The following DNAH6 variants were observed in gnomAD, a reference collection of about 807,000 sequenced individuals.
The protein encoded by DNAH6 is dynein axonemal heavy chain 6.
DNAH6 carries 340 observed loss-of-function variants against 491.4 expected under a neutral mutation model. That is an observed-to-expected ratio of 0.69 (90% CI 0.63 to 0.76). The LOEUF (loss-of-function observed/expected upper bound fraction) is 0.76. Among genes scored for constraint, DNAH6 ranks in the 30% least tolerant of loss-of-function variants. The pLI is 0.00. For synonymous variants in DNAH6, 1,603 were observed against 1,686.1 expected, an observed-to-expected ratio of 0.95 and a Z score of 1.21; for missense variants, 4,443 against 4,972.2, an observed-to-expected ratio of 0.89 and a Z score of 3.20.
chr2:84,472,541 A>G, the DNAH6 span, among the ~76,000 whole-genome samples: 1 of 152,186 alleles, frequency 6.6e-6, no homozygotes, highest in Non-Finnish European at 1.5e-5. Context: ...CCATCTGCCG[A>G]GGGAATTTGG....
chr2:84,786,919 C>G (rs1677257067), intron 67 of DNAH6, among the ~76,000 whole-genome samples: 2 of 151,982 alleles, frequency 1.3e-5, no homozygotes, highest in African/African-American at 4.8e-5. Flanking sequence ...GTTCTTTTGA[C>G]AGGTCTTTCA....
At chr2:84,497,318 A>T in the DNAH6 span, among the ~76,000 whole-genome samples, 1 of 152,012 alleles carries the variant, frequency 6.6e-6, no homozygotes, top group Non-Finnish European at 1.5e-5. Context: ...TCGTTCAGCT[A>T]ATGTTTTTCA....
At chr2:84,596,410 G>C (rs1343492522) in intron 18 of DNAH6, among the ~76,000 whole-genome samples, 4 of 151,916 alleles carry the variant, frequency 2.6e-5, no homozygotes, top group Non-Finnish European at 5.9e-5. Flanking sequence ...TGCAACCTCG[G>C]CCTCCTGGGT....
chr2:84,578,266 GT>G (rs1682667555), intron 13 of DNAH6, among the ~76,000 whole-genome samples: 1 of 151,650 alleles, frequency 6.6e-6, no homozygotes, highest in African/African-American at 2.4e-5. Context: ...TCTTCATCTG[GT>G]AAAAAAAAGA....
intron 10 of DNAH6, among the ~76,000 whole-genome samples, chr2:84,553,438 T>G (rs1395397717): frequency 1.4e-4 from 20 of 147,572 alleles, no homozygotes; most frequent in Non-Finnish European, 2.7e-4. Context: ...TCTTTCTTTT[T>G]CTCTTTCTCT....
intron 63 of DNAH6, among the ~76,000 whole-genome samples, chr2:84,756,601 G>A (rs1038690088): frequency 4.6e-5 from 7 of 152,166 alleles, no homozygotes; most frequent in African/African-American, 1.7e-4. Flanking sequence ...TTTGTCACTA[G>A]TGAAGGATGA....
rs1243178961 is a variant in DNAH6 at position 84,548,398 on chromosome 2, T to C, written c.1297T>C (p.Tyr433His). Reference protein sequence around the residue: ...TYTEQASKRHYCMRLTCFIRL... With the variant: ...TYTEQASKRHHCMRLTCFIRL... ...TACAGAACAGGCCAGCAAAAGGCAT[T>C]ATTGCATGAGGCTGACGTGGTAAGA... Residue 433 changes from tyrosine (Y) to histidine (H), a missense_variant, in exon 8 of 77, where the codon TAT (tyrosine) becomes CAT (histidine). This residue lies in a region of DNAH6 where 2,977 missense variants were observed against 3,296.6 expected (regional missense o/e 0.90). Transcript: ENST00000389394. 6 of 1,613,996 alleles carry C rather than the reference T, an allele frequency of 3.7e-6. No homozygotes were observed. The African/African-American group carries it at 4.0e-5, about 11-fold the overall frequency.
At chr2:84,752,091 A>G (rs571217169) in intron 63 of DNAH6, among the ~76,000 whole-genome samples, 1 of 152,348 alleles carries the variant, frequency 6.6e-6, no homozygotes, top group South Asian at 2.1e-4. Context: ...CACCTCACAA[A>G]GAAGGCAGTT....
At chr2:84,603,412 A>G (rs1481246266) in intron 18 of DNAH6, among the ~76,000 whole-genome samples, 1 of 151,882 alleles carries the variant, frequency 6.6e-6, no homozygotes, top group Non-Finnish European at 1.5e-5. Context: ...TATTTTCTCA[A>G]TTTCTATTTT....
intron 2 of DNAH6, among the ~76,000 whole-genome samples, chr2:84,524,156 T>C (rs535933840): frequency 2.0e-5 from 3 of 152,182 alleles, no homozygotes; most frequent in African/African-American, 7.2e-5. Flanking sequence ...ATATTTAGGA[T>C]AGTTAGGTCT....
chr2:84,530,882 A>T (rs1677101125), intron 4 of DNAH6, among the ~76,000 whole-genome samples: 1 of 152,174 alleles, frequency 6.6e-6, no homozygotes, highest in Non-Finnish European at 1.5e-5. Flanking sequence ...GTGAACCCTG[A>T]AAATCTGAGA....
chr2:84,560,525 T>C (rs1295588729), intron 11 of DNAH6, among the ~76,000 whole-genome samples: 6 of 151,664 alleles, frequency 4.0e-5, no homozygotes, highest in Non-Finnish European at 5.9e-5. Context: ...TAGTTACATA[T>C]GTATACATGT....
At chr2:84,650,812 G>A (rs1395786241) in intron 33 of DNAH6, among the ~76,000 whole-genome samples, 1 of 152,122 alleles carries the variant, frequency 6.6e-6, no homozygotes, top group Non-Finnish European at 1.5e-5. Context: ...TTCAGTTTGA[G>A]ATCTTTCTGG....
chr2:84,552,917 G>A lies in DNAH6; in HGVS notation c.1486-1G>A. 6.3e-7 allele frequency: 1 copy of A among 1,590,518 alleles called. No individual in the cohort carries two copies. Among genetic ancestry groups the A allele is most frequent in the South Asian group, 1.1e-5 (1 of 89,402 alleles). ...TAACACTGTACATATATTCATTTCAGGGGACCCTTATGGTGGAAAAGCAAG... is the reference window on the plus strand; with the variant it reads ...TAACACTGTACATATATTCATTTCAAGGGACCCTTATGGTGGAAAAGCAAG... On this transcript the variant is annotated splice_acceptor_variant, in intron 9 of 76. Transcript: ENST00000389394. LOFTEE classifies it high-confidence loss of function.
At chr2:84,598,509 G>A (rs1320963078) in intron 18 of DNAH6, among the ~76,000 whole-genome samples, 2 of 151,900 alleles carry the variant, frequency 1.3e-5, no homozygotes, top group Non-Finnish European at 1.5e-5. Context: ...TATTAACTTG[G>A]GTAAATAACT....
intron 22 of DNAH6, among the ~76,000 whole-genome samples, chr2:84,613,645 A>G (rs1445842228): frequency 6.6e-6 from 1 of 152,108 alleles, no homozygotes; most frequent in Non-Finnish European, 1.5e-5. Flanking sequence ...CAGAAAAGAT[A>G]CCAGTAAGAA....
At chr2:84,795,772 A>G (rs1678285278) in intron 68 of DNAH6, among the ~76,000 whole-genome samples, 1 of 152,228 alleles carries the variant, frequency 6.6e-6, no homozygotes, top group Admixed American at 6.5e-5. Context: ...GAGATGGGAT[A>G]CCAATCAGTT....
chr2:84,670,296 A>G, intron 38 of DNAH6, 32 bp from the exon 39 acceptor site: 1 of 1,399,342 alleles, frequency 7.1e-7, no homozygotes, highest in Non-Finnish European at 9.8e-7. Flanking sequence ...GGTTATATTC[A>G]TGTGACATTA....
rs1676906591 is a variant in DNAH6 at position 84,529,125 on chromosome 2, A to C, written c.621A>C (p.Ala207=). 1 of 1,550,536 alleles carries C rather than the reference A, an allele frequency of 6.4e-7. No homozygotes were observed. The highest frequency in any genetic ancestry group is 1.2e-5 in the South Asian group (1 of 84,048). The change falls in exon 4 of 77, where the codon GCA becomes GCC. Residue 207 remains alanine, a synonymous_variant. Coordinates refer to ENST00000389394, the MANE Select transcript of DNAH6 (RefSeq NM_001370.2). ...TTGGATTTCTTTATATGATCCCTGC[A>C]GTGCCAAGATCATCCATTGAATATG... ...EHLGFLYMIP[A]VPRSSIEYDT...
Sources: allele counts gnomAD v4.1 joint callset (sites outside exome capture counted in the v4.1 genomes callset), GRCh38; gene constraint gnomAD v4.1.1; regional missense constraint gnomAD v4.1.1; transcripts MANE v1.5; gene names NCBI Gene and HGNC (gene_info 2026-07-23, HGNC 2026-07-21).